NCKAP1L: variants seen among roughly 807,000 people sequenced by gnomAD.
NCKAP1L encodes the protein nck-associated protein 1-like.
NCKAP1L carries 53 observed loss-of-function variants against 139.2 expected under a neutral mutation model. The ratio of observed to expected loss-of-function variants is 0.38; its 90% CI spans 0.31 to 0.48. The LOEUF (loss-of-function observed/expected upper bound fraction) is 0.48, where lower values mean the gene tolerates loss of function less well. NCKAP1L is among the 20% of genes least tolerant of loss of function. NCKAP1L has a pLI of 0.98. For missense variants in NCKAP1L, 1,151 were observed against 1,381.9 expected (o/e 0.83, Z 2.65); for synonymous variants, 468 against 499.7 (o/e 0.94, Z 0.85).
intron 3 of NCKAP1L, among the ~76,000 whole-genome samples, chr12:54,506,719 C>T (rs1385673685): frequency 6.9e-6 from 1 of 144,436 alleles, no homozygotes; most frequent in Non-Finnish European, 1.5e-5. Context: ...AGGTGTGAAC[C>T]GCCATGCTTG....
At chr12:54,520,395 T>C (rs143736464) in intron 16 of NCKAP1L, among the ~76,000 whole-genome samples, 62 of 152,322 alleles carry the variant, frequency 4.1e-4, no homozygotes, top group Admixed American at 6.5e-4. Flanking sequence ...GCCAAGGTTC[T>C]AAGGGAAGAA....
chr12:54,546,120 A>G lies in NCKAP1L; in HGVS notation c.*3435A>G, dbSNP rs1957195353. ...TTGTCTGTAATCCCAACACTTTGGG[A>G]GGCTGAGGCCAGTGGATCTCTTGAG... On this transcript the variant is annotated 3_prime_UTR_variant, in exon 31 of 31. Transcript: ENST00000293373. The G allele has an allele frequency of 6.6e-6, 1 of 152,248 alleles. No individual in the cohort carries two copies. The highest frequency in any genetic ancestry group is 6.5e-5 in the Admixed American group (1 of 15,280). 9.4% of individuals were successfully genotyped at this position (152,248 alleles called of 1,614,324 possible). A position where few individuals can be genotyped will look rare whatever the true frequency, so the allele number is the denominator to read the frequency against.
At position 54,543,670 on chromosome 12, in the gene NCKAP1L, A is replaced by C. The variant is rs1053515913; in HGVS notation, c.*985A>C. 1 of 152,166 alleles carries C rather than the reference A, an allele frequency of 6.6e-6. No homozygotes were observed. Among genetic ancestry groups the C allele is most frequent in the African/African-American group, 2.4e-5 (1 of 41,418 alleles). 9.4% of individuals were successfully genotyped at this position (152,166 alleles called of 1,614,324 possible). A position where few individuals can be genotyped will look rare whatever the true frequency, so the allele number is the denominator to read the frequency against. ...CCCTGAGAGTGGGTATCCTTGAGGGAGTACAAGCTGTTTCAACTTAGCCCT... is the reference window on the plus strand; with the variant it reads ...CCCTGAGAGTGGGTATCCTTGAGGGCGTACAAGCTGTTTCAACTTAGCCCT... On this transcript the variant is annotated 3_prime_UTR_variant, in exon 31 of 31. Transcript: ENST00000293373.
intron 26 of NCKAP1L, among the ~76,000 whole-genome samples, chr12:54,533,064 C>A (rs1957085327): frequency 6.6e-6 from 1 of 152,090 alleles, no homozygotes; most frequent in Non-Finnish European, 1.5e-5. Context: ...GTGAAATTTC[C>A]ACCTCTATCT....
chr12:54,536,665 G>GAA, intron 28 of NCKAP1L: 28 of 237,052 alleles, frequency 1.2e-4, no homozygotes, highest in Middle Eastern at 1.3e-3. Flanking sequence ...TTTAAAAAAA[G>GAA]AAAAAAAAAA....
rs185895445 is a variant in NCKAP1L at position 54,543,125 on chromosome 12, G to A, written c.*440G>A. On this transcript the variant is annotated 3_prime_UTR_variant, in exon 31 of 31. Transcript: ENST00000293373. ...TAATCCTCCCACTGGAGCTGCTATTGTCTCCTGCACATTCATTAGGACCAT... is the reference window on the plus strand; with the variant it reads ...TAATCCTCCCACTGGAGCTGCTATTATCTCCTGCACATTCATTAGGACCAT... 156 of 156,344 alleles carry A rather than the reference G, an allele frequency of 1.0e-3. No individual in the cohort carries two copies. Among genetic ancestry groups the A allele is most frequent in the Middle Eastern group, 3.3e-3 (1 of 304 alleles). The allele number at this position is 156,344 out of a possible 1,614,324, so 9.7% of individuals were successfully genotyped here.
At chr12:54,534,994 C>T in intron 26 of NCKAP1L, 110 bp from the exon 27 acceptor site, 1 of 754,512 alleles carries the variant, frequency 1.3e-6, no homozygotes. Flanking sequence ...ATAAAAGCAT[C>T]TTTAAAAAAA....
chr12:54,498,784 G>A (rs1325697983), intron 1 of NCKAP1L: 1 of 985,130 alleles, frequency 1.0e-6, no homozygotes, highest in East Asian at 1.1e-4. Context: ...CTTCCTCTTT[G>A]TGCTGGGGCC....
chr12:54,531,423 C>CT (rs1252120939), intron 23 of NCKAP1L, 66 bp downstream of exon 23: 58 of 1,605,650 alleles, frequency 3.6e-5, no homozygotes, highest in Non-Finnish European at 4.4e-5. Context: ...GTATAGGAGA[C>CT]TGGGGGGGAA....
intron 30 of NCKAP1L, among the ~76,000 whole-genome samples, chr12:54,540,152 T>C (rs1232029705): frequency 6.6e-6 from 1 of 152,196 alleles, no homozygotes. Flanking sequence ...TACTAGTTTG[T>C]TAGCTTGATT....
At chr12:54,522,583 A>G (rs117875145) in intron 18 of NCKAP1L, among the ~76,000 whole-genome samples, 1,849 of 152,356 alleles carry the variant, frequency 0.012, 17 homozygotes, top group Middle Eastern at 0.027. Context: ...CAGGGTTGAC[A>G]CATCTTTTTC....
intron 1 of NCKAP1L, among the ~76,000 whole-genome samples, chr12:54,498,102 T>A (rs1023495890): frequency 2.0e-5 from 3 of 152,052 alleles, no homozygotes; most frequent in Admixed American, 2.0e-4. Context: ...TTTCTAGATA[T>A]GATTCTTGCC....
In NCKAP1L at chr12:54,517,567, G is replaced by A. The variant is rs1218886470; in HGVS notation, c.1130G>A (p.Arg377His). Reference protein sequence around the residue: ...LFAFMALSFIRDEVTWLVRHT... With the variant: ...LFAFMALSFIHDEVTWLVRHT... ...GCTTTCATGGCCCTGTCCTTCATTC[G>A]TGATGAGGTCACCTGGCTGGTTCGC... Residue 377 changes from arginine to histidine, a missense_variant, in exon 12 of 31, where the codon CGT becomes CAT. By Grantham distance (29) the Arg-to-His change is conservative. Coordinates refer to ENST00000293373, the MANE Select transcript of NCKAP1L (RefSeq NM_005337.5). The A allele has an allele frequency of 1.2e-6, 2 of 1,613,956 alleles. No homozygotes were observed. Among genetic ancestry groups the A allele is most frequent in the Non-Finnish European group, 1.7e-6 (2 of 1,179,982 alleles).
At position 54,543,860 on chromosome 12, in the gene NCKAP1L, G is replaced by A. The variant is rs1957178556; in HGVS notation, c.*1175G>A. On this transcript the variant is annotated 3_prime_UTR_variant, in exon 31 of 31. Coordinates refer to ENST00000293373, the MANE Select transcript of NCKAP1L (RefSeq NM_005337.5). ...GGAGAAACAGATCATATATGTCACA[G>A]GTCTAGAGTGGTTGGAATTGACAAA... is the stretch of plus-strand genomic sequence containing the variant. 1 of 152,212 alleles carries A rather than the reference G, an allele frequency of 6.6e-6. No homozygotes were observed. The highest frequency in any genetic ancestry group is 6.5e-5 in the Admixed American group (1 of 15,282). The allele number at this position is 152,212 out of a possible 1,614,324, so 9.4% of individuals were successfully genotyped here.
At chr12:54,521,663 T>G (rs1956984350) in intron 18 of NCKAP1L, among the ~76,000 whole-genome samples, 1 of 152,220 alleles carries the variant, frequency 6.6e-6, no homozygotes, top group Non-Finnish European at 1.5e-5. Context: ...GAAGCACCTC[T>G]TCTGTGTTTA....
chr12:54,520,789 A>T lies in NCKAP1L; in HGVS notation c.1721A>T (p.His574Leu). 1.2e-6 allele frequency: 2 copies of T among 1,614,042 alleles called. No homozygotes were observed. Among genetic ancestry groups the T allele is most frequent in the Non-Finnish European group, 1.7e-6 (2 of 1,180,014 alleles). Residue 574 changes from histidine to leucine, a missense_variant, in exon 17 of 31, where the codon CAC (histidine) becomes CTC (leucine). Physicochemically the swap from His to Leu is moderately conservative, Grantham distance 99. Coordinates refer to ENST00000293373, the MANE Select transcript of NCKAP1L (RefSeq NM_005337.5). ...YAIAFPLICA[H>L]FVHCTHEMCP... Reference sequence around the variant, plus strand: ...ATTGCTTTCCCCCTGATTTGTGCTCACTTTGTCCACTGCACTCATGAGATG... The same window carrying T: ...ATTGCTTTCCCCCTGATTTGTGCTCTCTTTGTCCACTGCACTCATGAGATG...
intron 10 of NCKAP1L, among the ~76,000 whole-genome samples, 155 bp downstream of exon 10, chr12:54,516,450 C>CTTTTT (rs112859632): frequency 2.1e-5 from 3 of 145,266 alleles, no homozygotes; most frequent in East Asian, 2.0e-4. Flanking sequence ...CTTTTCTTTT[C>CTTTTT]TTTTTTTTTT....
At chr12:54,518,371 A>G (rs1245343324) in intron 13 of NCKAP1L, among the ~76,000 whole-genome samples, 1 of 152,046 alleles carries the variant, frequency 6.6e-6, no homozygotes, top group Non-Finnish European at 1.5e-5. Context: ...CTGCCCCTTC[A>G]TATTTGTTAA....
rs1157828293 is a variant in NCKAP1L at position 54,519,224 on chromosome 12, A to G, written c.1517A>G (p.His506Arg). The G allele has an allele frequency of 3.8e-6, 6 of 1,580,600 alleles. No homozygotes were observed. The highest frequency in any genetic ancestry group is 2.4e-5 in the South Asian group (2 of 84,608). Residue 506 changes from histidine (H) to arginine (R), a missense_variant, in exon 16 of 31, where the codon CAT becomes CGT. Physicochemically the swap from His to Arg is conservative, Grantham distance 29 (BLOSUM62 0). Transcript: ENST00000293373. ...TSVAKAPLHL[H>R]ENPDLAKVMN... ...GTGGCTAAGGCCCCTCTGCACCTGCATGAGAACCCTGACTTAGCCAAGGTG... is the reference window on the plus strand; with the variant it reads ...GTGGCTAAGGCCCCTCTGCACCTGCGTGAGAACCCTGACTTAGCCAAGGTG...
Sources: allele counts gnomAD v4.1 joint callset (sites outside exome capture counted in the v4.1 genomes callset), GRCh38; gene constraint gnomAD v4.1.1; transcripts MANE v1.5; gene names NCBI Gene and HGNC (gene_info 2026-07-23, HGNC 2026-07-21).